Variants in DMD observed in about 807,000 individuals in gnomAD.
DMD encodes the protein mutant dystrophin.
Under a neutral mutation model 330.1 loss-of-function variants are expected in DMD, and 63 were observed. That is an observed-to-expected ratio of 0.19 (90% CI 0.16 to 0.24). The LOEUF (loss-of-function observed/expected upper bound fraction) is 0.24, where lower values mean the gene tolerates loss of function less well. Ranked by LOEUF, DMD falls within the 10% of genes least tolerant of loss-of-function variation. The pLI, the probability that DMD is intolerant of heterozygous loss-of-function variation, is 1.00. For missense variants in DMD, 3,344 were observed against 2,684.1 expected, an observed-to-expected ratio of 1.25 and a Z score of -5.43; for synonymous variants, 1,223 against 959.8, an observed-to-expected ratio of 1.27 and a Z score of -5.07.
At chrX:32,774,079 T>C (rs892120193) in intron 7 of DMD, among the ~76,000 whole-genome samples, 8 of 111,984 alleles carry the variant, frequency 7.1e-5, no homozygotes, top group African/African-American at 2.0e-4. Context: ...CACAACAGTA[T>C]GTACATTATA....
At chrX:31,211,811 C>G (rs1168309973) in intron 64 of DMD, among the ~76,000 whole-genome samples, 1 of 112,028 alleles carries the variant, frequency 8.9e-6, no homozygotes, top group African/African-American at 3.2e-5. Flanking sequence ...TGGTTAAACA[C>G]AAGAACAATC....
chrX:32,501,312 T>C (rs1413198876), intron 19 of DMD, among the ~76,000 whole-genome samples: 1 of 112,009 alleles, frequency 8.9e-6, no homozygotes, highest in East Asian at 2.8e-4. Flanking sequence ...AAATGTCATA[T>C]ATATTATTAC....
At chrX:32,491,181 A>G (rs967317379) in intron 20 of DMD, 96 bp downstream of exon 20, 3 of 1,048,111 alleles carry the variant, frequency 2.9e-6, no homozygotes, top group Admixed American at 2.2e-5. Context: ...TAGAAGGTGA[A>G]CGTTTCATTA....
chrX:33,021,323 A>G (rs1246476646), intron 1 of DMD, among the ~76,000 whole-genome samples: 1 of 108,611 alleles, frequency 9.2e-6, no homozygotes, highest in East Asian at 2.9e-4. Flanking sequence ...GGACAGAAAA[A>G]TCATCAATCT....
At chrX:31,236,330 A>C (rs1418994562) in intron 63 of DMD, among the ~76,000 whole-genome samples, 1 of 112,625 alleles carries the variant, frequency 8.9e-6, no homozygotes, top group Non-Finnish European at 1.9e-5. Context: ...TATTAACTGC[A>C]ACCAAAAGTC....
In DMD at chrX:33,296,070, G is replaced by T. The variant is rs192718485; in HGVS notation, c.7+43189C>A. On this transcript the variant is annotated intron_variant, in intron 1 of 17. Transcript: ENST00000288447. ...TTCTTCATTTTACCTATGAGATCCA[G>T]GTAAGTTAAATCATATCACATTATT... Among the ~76,000 whole-genome samples the T allele has an allele frequency of 3.5e-3, 386 of 111,448 alleles. 1 individual carries two copies. Among genetic ancestry groups the T allele is most frequent in the African/African-American group, 0.012 (373 of 30,857 alleles).
intron 7 of DMD, among the ~76,000 whole-genome samples, chrX:32,739,453 A>T (rs746372990): frequency 8.9e-6 from 1 of 112,218 alleles, no homozygotes; most frequent in African/African-American, 3.2e-5. Flanking sequence ...TTACCATAAT[A>T]CAAAGCATGT....
At chrX:31,135,918 A>G (rs921130157) in intron 76 of DMD, among the ~76,000 whole-genome samples, 1 of 111,944 alleles carries the variant, frequency 8.9e-6, no homozygotes, top group African/African-American at 3.2e-5. Flanking sequence ...CAGTGACTAA[A>G]TGACTTAAAT....
In DMD at chrX:32,861,137, C is replaced by CTA. The variant is rs780922320; in HGVS notation, c.94-11319_94-11318dup. Among the ~76,000 whole-genome samples, 26 of 111,786 alleles carry CTA rather than the reference C, an allele frequency of 2.3e-4. No homozygotes were observed. The South Asian group carries it at 9.7e-3, about 42-fold the overall frequency. On this transcript the variant is annotated intron_variant, in intron 2 of 78. Transcript: ENST00000357033. ...CTATAGAAAGAGCATGTATCATTACCTATGTTGTGGTGATATTGCAAAGAT... is the reference window on the plus strand; with the variant it reads ...CTATAGAAAGAGCATGTATCATTACCTATATGTTGTGGTGATATTGCAAAGAT...
At chrX:31,894,276 C>T (rs2094299924) in intron 47 of DMD, among the ~76,000 whole-genome samples, 1 of 112,199 alleles carries the variant, frequency 8.9e-6, no homozygotes, top group Non-Finnish European at 1.9e-5. Context: ...TCCTCCAAAG[C>T]CGGGACTCCT....
chrX:32,458,647 C>A (rs2098370983), intron 25 of DMD, among the ~76,000 whole-genome samples: 1 of 111,373 alleles, frequency 9.0e-6, no homozygotes, highest in South Asian at 3.7e-4. Flanking sequence ...CACATTCTTG[C>A]CAACACTTAG....
At chrX:31,483,536 C>A (rs1193338504) in intron 57 of DMD, among the ~76,000 whole-genome samples, 3 of 112,047 alleles carry the variant, frequency 2.7e-5, no homozygotes, top group African/African-American at 9.7e-5. Flanking sequence ...TTAGATCCAC[C>A]ACAGCTGCAC....
chrX:32,475,000 A>C (rs770089613), intron 21 of DMD, among the ~76,000 whole-genome samples: 2 of 111,616 alleles, frequency 1.8e-5, no homozygotes, highest in South Asian at 7.5e-4. Flanking sequence ...TCTTAGGTTT[A>C]AGTCTTTAAA....
intron 7 of DMD, among the ~76,000 whole-genome samples, chrX:32,731,893 C>T (rs966386285): frequency 3.1e-4 from 35 of 112,228 alleles, no homozygotes; most frequent in African/African-American, 7.4e-4. Context: ...TCACTAGCAA[C>T]GGAACAAAGC....
chrX:31,737,656 T>C (rs1345242386), intron 51 of DMD, among the ~76,000 whole-genome samples: 1 of 112,160 alleles, frequency 8.9e-6, no homozygotes, highest in African/African-American at 3.2e-5. Context: ...GTCAACCTCC[T>C]AGGGTAGAAC....
intron 18 of DMD, among the ~76,000 whole-genome samples, chrX:32,511,475 T>C (rs772200794): frequency 4.7e-4 from 45 of 96,576 alleles, no homozygotes; most frequent in Non-Finnish European, 8.2e-4. Context: ...TGAGCCAAGA[T>C]TGCGCCACTG....
intron 43 of DMD, among the ~76,000 whole-genome samples, chrX:32,239,879 C>T (rs2097201574): frequency 8.9e-6 from 1 of 112,139 alleles, no homozygotes; most frequent in South Asian, 3.7e-4. Flanking sequence ...CTTATGAATA[C>T]AGTGACTAGT....
intron 63 of DMD, among the ~76,000 whole-genome samples, chrX:31,245,444 G>C (rs1429226631): frequency 8.9e-6 from 1 of 111,911 alleles, no homozygotes; most frequent in African/African-American, 3.3e-5. Flanking sequence ...TGGTGACAAA[G>C]ATGAGGAAGA....
intron 42 of DMD, among the ~76,000 whole-genome samples, chrX:32,304,208 C>A (rs2097533007): frequency 9.0e-6 from 1 of 111,456 alleles, no homozygotes; most frequent in African/African-American, 3.2e-5. Flanking sequence ...AACCTCCCCA[C>A]AACTTAACTG....
Sources: allele counts gnomAD v4.1 joint callset (sites outside exome capture counted in the v4.1 genomes callset), GRCh38; gene constraint gnomAD v4.1.1; transcripts MANE v1.5; gene names NCBI Gene and HGNC (gene_info 2026-07-23, HGNC 2026-07-21).